Variants in GRIK1 observed in about 807,000 individuals in gnomAD.
The protein encoded by GRIK1 is glutamate receptor ionotropic, kainate 1.
GRIK1 carries 69 observed loss-of-function variants against 105.7 expected under a neutral mutation model. The observed-to-expected ratio is 0.65, with a 90% CI of 0.54 to 0.80. The LOEUF (loss-of-function observed/expected upper bound fraction) is 0.80. GRIK1 is among the 30% of genes least tolerant of loss of function. GRIK1 has a pLI of 0.00. For synonymous variants in GRIK1, 438 were observed against 431.3 expected, an observed-to-expected ratio of 1.02 and a Z score of -0.19; for missense variants, 1,109 against 1,167.3, an observed-to-expected ratio of 0.95 and a Z score of 0.73.
intron 1 of GRIK1, among the ~76,000 whole-genome samples, chr21:29,733,669 C>A (rs529004144): frequency 2.6e-4 from 39 of 152,120 alleles, no homozygotes; most frequent in Non-Finnish European, 4.9e-4. Flanking sequence ...TCATCACTTT[C>A]TTAAGTGATG....
chr21:29,878,571 G>A (rs2069278890), intron 1 of GRIK1, among the ~76,000 whole-genome samples: 1 of 152,154 alleles, frequency 6.6e-6, no homozygotes, highest in Non-Finnish European at 1.5e-5. Context: ...CTGAATGGTT[G>A]TGTTTCATAC....
Position 29,560,519 on chromosome 21 carries a change from C to CTTTCTTTCTTT in GRIK1, c.2356+1104_2356+1105insAAAGAAAGAAA, listed in dbSNP as rs1568815488. Among the ~76,000 whole-genome samples the CTTTCTTTCTTT allele has an allele frequency of 7.1e-3, 412 of 57,768 alleles. 41 individuals are homozygous for CTTTCTTTCTTT. The highest frequency in any genetic ancestry group is 9.4e-3 in the Non-Finnish European group (308 of 32,856). The allele number at this position is 57,768 out of a possible 152,430, so 37.9% of individuals were successfully genotyped here. On this transcript the variant is annotated intron_variant, in intron 15 of 17. Transcript: ENST00000327783. ...TCTTTCCTTCCTTCCTTCCTTCCTT[C>CTTTCTTTCTTT]CTTTCTTTCTTTCTTTCTTTCTTTC...
At chr21:29,658,120 A>T (rs1408648191) in intron 4 of GRIK1, among the ~76,000 whole-genome samples, 1 of 152,150 alleles carries the variant, frequency 6.6e-6, no homozygotes, top group Non-Finnish European at 1.5e-5. Context: ...TGTCACAATT[A>T]ATTTTTTTTT....
rs542097296 is a variant in GRIK1, at chr21:29,705,775, C to T, written c.119-11712G>A. Among the ~76,000 whole-genome samples, 12 of 152,164 alleles carry T rather than the reference C, an allele frequency of 7.9e-5. No individual in the cohort carries two copies. In the East Asian group the frequency reaches 2.3e-3, roughly 29 times the overall value. On this transcript the variant is annotated intron_variant, in intron 1 of 17. Transcript: ENST00000327783. ...TGAAAAACAGCATCTTTTAATCAAT[C>T]GTATCTCACAGATATGTTGCAGGTA...
At chr21:29,588,499 C>A (rs1413867060) in intron 11 of GRIK1, among the ~76,000 whole-genome samples, 1 of 152,064 alleles carries the variant, frequency 6.6e-6, no homozygotes, top group Non-Finnish European at 1.5e-5. Flanking sequence ...CACCTGCCAC[C>A]CTGTGATGAA....
At chr21:29,924,665 G>GT (rs1464556526) in intron 1 of GRIK1, among the ~76,000 whole-genome samples, 2 of 151,554 alleles carry the variant, frequency 1.3e-5, no homozygotes, top group South Asian at 2.1e-4. Flanking sequence ...GACCTTTTTT[G>GT]TTTTTTTCAC....
chr21:29,802,137 C>T (rs1775889013), intron 1 of GRIK1, among the ~76,000 whole-genome samples: 1 of 152,132 alleles, frequency 6.6e-6, no homozygotes, highest in Admixed American at 6.6e-5. Context: ...GAAGGTGCCC[C>T]AACATGACTA....
chr21:29,588,231 C>T (rs941562038), intron 11 of GRIK1, among the ~76,000 whole-genome samples: 1 of 151,934 alleles, frequency 6.6e-6, no homozygotes, highest in African/African-American at 2.4e-5. Flanking sequence ...GCCTCAGACT[C>T]CCAAAGTGTA....
chr21:29,864,277 T>G (rs533270845), intron 1 of GRIK1, among the ~76,000 whole-genome samples: 4 of 152,254 alleles, frequency 2.6e-5, no homozygotes, highest in East Asian at 3.9e-4. Context: ...TTTACTTTTC[T>G]TGGCCACAAA....
intron 7 of GRIK1, among the ~76,000 whole-genome samples, chr21:29,633,480 G>A (rs1037482722): frequency 1.3e-5 from 2 of 152,098 alleles, no homozygotes; most frequent in African/African-American, 4.8e-5. Context: ...CTTGGTGACA[G>A]AGTGAGACTC....
intron 1 of GRIK1, among the ~76,000 whole-genome samples, chr21:29,929,161 C>T (rs1377749852): frequency 6.6e-6 from 1 of 152,190 alleles, no homozygotes; most frequent in East Asian, 1.9e-4. Context: ...TACCTGCTCA[C>T]CACTCACTAG....
At chr21:29,702,563 T>C (rs973505543) in intron 1 of GRIK1, among the ~76,000 whole-genome samples, 7 of 152,022 alleles carry the variant, frequency 4.6e-5, no homozygotes, top group Non-Finnish European at 7.4e-5. Flanking sequence ...ATACAAAAAT[T>C]AGCCAAGCAT....
At chr21:29,754,028 A>G (rs890506516) in intron 1 of GRIK1, among the ~76,000 whole-genome samples, 2 of 152,166 alleles carry the variant, frequency 1.3e-5, no homozygotes, top group African/African-American at 2.4e-5. Flanking sequence ...AGGCAGACTC[A>G]TTACCAAAAC....
intron 1 of GRIK1, among the ~76,000 whole-genome samples, chr21:29,832,874 C>T (rs2067682693): frequency 6.6e-6 from 1 of 152,172 alleles, no homozygotes; most frequent in Non-Finnish European, 1.5e-5. Context: ...TACCACATGG[C>T]TGGGCTACAA....
chr21:29,620,813 AT>A (rs2061980401), intron 7 of GRIK1, among the ~76,000 whole-genome samples: 2 of 104,984 alleles, frequency 1.9e-5, no homozygotes, highest in Admixed American at 1.9e-4. Context: ...ATAGATATAT[AT>A]ATATAGTAAT....
At chr21:29,613,891 A>T (rs1224465487) in intron 7 of GRIK1, among the ~76,000 whole-genome samples, 1 of 152,228 alleles carries the variant, frequency 6.6e-6, no homozygotes, top group Non-Finnish European at 1.5e-5. Context: ...GGCAAAATAC[A>T]GATTGCTATG....
At chr21:29,662,317 G>T (rs1357905034) in intron 4 of GRIK1, among the ~76,000 whole-genome samples, 1 of 152,202 alleles carries the variant, frequency 6.6e-6, no homozygotes, top group Non-Finnish European at 1.5e-5. Context: ...TCCCATGGCA[G>T]AATGAAATAG....
At chr21:29,847,636 A>C (rs577963633) in intron 1 of GRIK1, among the ~76,000 whole-genome samples, 26 of 152,008 alleles carry the variant, frequency 1.7e-4, no homozygotes, top group Non-Finnish European at 3.1e-4. Context: ...TTCTCTGCAT[A>C]ATCTTCTCAC....
chr21:29,721,783 A>G (rs1338854156), intron 1 of GRIK1, among the ~76,000 whole-genome samples: 1 of 152,134 alleles, frequency 6.6e-6, no homozygotes, highest in Non-Finnish European at 1.5e-5. Flanking sequence ...TAGAAAAACT[A>G]TACAATGTTT....
Sources: gnomAD v4.1 joint callset for allele counts (sites outside exome capture counted in the v4.1 genomes callset) on GRCh38, gnomAD v4.1.1 for gene constraint, MANE v1.5 for transcripts, NCBI Gene and HGNC (gene_info 2026-07-23, HGNC 2026-07-21) for gene names.